The following CAPN14 variants were observed in gnomAD, a reference collection of about 807,000 sequenced individuals.
CAPN14 encodes calpain 14.
In CAPN14, 94 loss-of-function variants were observed where a neutral mutation model predicts 101.3. The observed-to-expected ratio is 0.93, with a 90% confidence interval of 0.79 to 1.10. The LOEUF (loss-of-function observed/expected upper bound fraction) is 1.10, where lower values mean the gene tolerates loss of function less well. Ranked by LOEUF, CAPN14 falls within the 50% of genes least tolerant of loss-of-function variation. The pLI, the probability that CAPN14 is intolerant of heterozygous loss-of-function variation, is 0.00. For synonymous variants in CAPN14, 338 were observed against 317.9 expected, an observed-to-expected ratio of 1.06 and a Z score of -0.67; for missense variants, 837 against 828.4, an observed-to-expected ratio of 1.01 and a Z score of -0.13.
In CAPN14 at chr2:31,201,937, G is replaced by C. The variant is rs1558626737; in HGVS notation, c.476C>G (p.Ala159Gly). Residue 159 changes from alanine (A) to glycine (G), a missense_variant, in exon 5 of 22, where the codon GCT becomes GGT. Physicochemically the swap from Ala to Gly is moderately conservative, Grantham distance 60. Coordinates refer to ENST00000403897, the MANE Select transcript of CAPN14 (RefSeq NM_001145122.2). ...VIDDRLPVNE[A>G]GQLVFVSSTY... The stretch of plus-strand genomic sequence containing the variant: ...GGAGGAGACAAAGACCAGCTGGCCA[G>C]CCTCATTCACAGGCAGACGGTCATC... 6.4e-7 allele frequency: 1 copy of C among 1,551,756 alleles called. No individual in the cohort carries two copies. The highest frequency in any genetic ancestry group is 1.7e-4 in the Middle Eastern group (1 of 5,992).
At chr2:31,225,965 G>T (rs138497022) in intron 2 of CAPN14, among the ~76,000 whole-genome samples, 294 of 152,108 alleles carry the variant, frequency 1.9e-3, no homozygotes, top group African/African-American at 6.5e-3. Context: ...TAGTAAGGGA[G>T]GGCGACTATT....
intron 1 of CAPN14, among the ~76,000 whole-genome samples, chr2:31,214,631 G>T (rs748098147): frequency 6.6e-6 from 1 of 152,134 alleles, no homozygotes; most frequent in African/African-American, 2.4e-5. Context: ...GGAGGTCTAA[G>T]AACTTGGCTG....
Position 31,193,401 on chromosome 2 carries a change from T to G in CAPN14, c.951-107A>C. 10 of 1,119,508 alleles carry G rather than the reference T, an allele frequency of 8.9e-6. No individual in the cohort carries two copies. The South Asian group carries it at 1.5e-4, about 17-fold the overall frequency. The allele number at this position is 1,119,508 out of a possible 1,614,324, so 69.3% of individuals were successfully genotyped here. Reference sequence around the variant, plus strand: ...AGCAGTGGGCATCCCAGCCCTCTCATGGACAAAGACACCAGCTCTTGTGCA... The same window carrying G: ...AGCAGTGGGCATCCCAGCCCTCTCAGGGACAAAGACACCAGCTCTTGTGCA... On this transcript the variant is annotated intron_variant, in intron 9 of 21. Transcript: ENST00000403897.
At chr2:31,195,746 A>G (rs936904906) in intron 8 of CAPN14, among the ~76,000 whole-genome samples, 4 of 152,210 alleles carry the variant, frequency 2.6e-5, no homozygotes, top group African/African-American at 4.8e-5. Context: ...GACCTTCCCT[A>G]AAAGTGCTTA....
At chr2:31,195,062 A>G (rs1572410054) in intron 8 of CAPN14, among the ~76,000 whole-genome samples, 1 of 152,196 alleles carries the variant, frequency 6.6e-6, no homozygotes, top group Admixed American at 6.5e-5. Context: ...GAGGGACTCA[A>G]AAAAAGAACA....
rs1558615829 is a variant in CAPN14, at chr2:31,186,456, CT to C, written c.1616del (p.Gln539ArgfsTer4). On this transcript the variant is annotated frameshift_variant, in exon 16 of 22. Coordinates refer to ENST00000403897, the MANE Select transcript of CAPN14 (RefSeq NM_001145122.2). LOFTEE classifies it high-confidence loss of function. Reference protein sequence around the residue: ...KHPEINAVQLQNLLNQMTWSS... With the variant: ...KHPEINAVQLXNLLNQMTWSS... Reference sequence around the variant, plus strand: ...ACCAGGTCATCTGGTTCAGGAGGTTCTGAAGTTGAACTGCATTAATCTCTGG... The same window carrying C: ...ACCAGGTCATCTGGTTCAGGAGGTTCGAAGTTGAACTGCATTAATCTCTGG... The C allele has an allele frequency of 6.5e-7, 1 of 1,549,884 alleles. No homozygotes were observed. The highest frequency in any genetic ancestry group is 2.5e-5 in the East Asian group (1 of 40,756).
At chr2:31,203,194 G>T in intron 2 of CAPN14, 55 bp from the exon 3 acceptor site, 1 of 1,450,098 alleles carries the variant, frequency 6.9e-7, no homozygotes, top group Non-Finnish European at 9.5e-7. Context: ...AGCTCCTGGA[G>T]CTACAGTGAC....
In CAPN14 at chr2:31,189,366, T is replaced by C. The variant is rs1156503503; in HGVS notation, c.1400A>G (p.Glu467Gly). 1.3e-5 allele frequency: 20 copies of C among 1,551,762 alleles called. No homozygotes were observed. Among genetic ancestry groups the C allele is most frequent in the East Asian group, 9.8e-5 (4 of 40,912 alleles). Reference protein sequence around the residue: ...EKEVSQELCLEPGTYLIVPCI... With the variant: ...EKEVSQELCLGPGTYLIVPCI... ...GGGCACGATGAGGTACGTCCCTGGT[T>C]CCAGACACAGCTCCTGACTCACTTC... The change falls in exon 13 of 22, where the codon GAA becomes GGA. Residue 467 changes from glutamate (E) to glycine (G), a missense_variant. Coordinates refer to ENST00000403897, the MANE Select transcript of CAPN14 (RefSeq NM_001145122.2).
rs1680554326 is a variant in CAPN14 at position 31,180,816 on chromosome 2, G to A, written c.1710+120C>T. 3.8e-6 allele frequency: 3 copies of A among 798,530 alleles called. No individual in the cohort carries two copies. The East Asian group carries it at 8.1e-5, about 22-fold the overall frequency. The allele number at this position is 798,530 out of a possible 1,614,324, so 49.5% of individuals were successfully genotyped here. ...TCTGGATACATAATGAGGCTCAGTG[G>A]CTTGTCCAGGATCCCACAATTAGCA... On this transcript the variant is annotated intron_variant, in intron 17 of 21. Transcript: ENST00000403897.
At chr2:31,224,963 G>A (rs1682975569) in intron 2 of CAPN14, among the ~76,000 whole-genome samples, 2 of 151,972 alleles carry the variant, frequency 1.3e-5, no homozygotes, top group African/African-American at 4.8e-5. Context: ...CAGTTTTAAT[G>A]AGATTCTGAT....
intron 14 of CAPN14, 128 bp from the exon 15 acceptor site, chr2:31,187,942 T>C: frequency 1.3e-6 from 1 of 758,744 alleles, no homozygotes; most frequent in South Asian, 1.8e-5. Flanking sequence ...CGTCTTTAAT[T>C]TTACACCATA....
Position 31,178,554 on chromosome 2 carries a change from A to C in CAPN14, c.1736T>G (p.Ile579Ser). The change falls in exon 18 of 22, where the codon ATC becomes AGC. Residue 579 changes from isoleucine to serine, a missense_variant. Transcript: ENST00000403897. ...LDLNASGTMSIQEFRDLWKQL... is the reference protein window; with the variant it reads ...LDLNASGTMSSQEFRDLWKQL... ...CTTCCACAGGTCCCTGAATTCCTGG[A>C]TGCTCATAGTACCTGATGCATTAAG... 1 of 1,549,046 alleles carries C rather than the reference A, an allele frequency of 6.5e-7. No homozygotes were observed. Among genetic ancestry groups the C allele is most frequent in the Non-Finnish European group, 8.7e-7 (1 of 1,145,960 alleles).
At chr2:31,179,946 T>G (rs1680505354) in intron 17 of CAPN14, among the ~76,000 whole-genome samples, 1 of 152,234 alleles carries the variant, frequency 6.6e-6, no homozygotes, top group Non-Finnish European at 1.5e-5. Flanking sequence ...AATAGTAACC[T>G]TTTTTCATTA....
chr2:31,191,703 A>C (rs1342490225), intron 11 of CAPN14, among the ~76,000 whole-genome samples: 1 of 152,230 alleles, frequency 6.6e-6, no homozygotes, highest in African/African-American at 2.4e-5. Flanking sequence ...ACTACCACAT[A>C]ATCCTCTTTT....
intron 12 of CAPN14, among the ~76,000 whole-genome samples, chr2:31,191,141 T>C (rs1370588268): frequency 1.3e-5 from 2 of 152,202 alleles, no homozygotes; most frequent in Admixed American, 6.5e-5. Context: ...AATTCTAAAA[T>C]GTATTGGTTC....
intron 18 of CAPN14, 129 bp downstream of exon 18, chr2:31,178,382 G>C (rs1351514552): frequency 7.0e-6 from 5 of 709,914 alleles, no homozygotes; most frequent in Non-Finnish European, 1.2e-5. Flanking sequence ...GCTCACCGAA[G>C]GGAGAATAGA....
In CAPN14 at chr2:31,173,594, T is replaced by C. The variant is rs1680153094; in HGVS notation, c.*1087A>G. On this transcript the variant is annotated 3_prime_UTR_variant, in exon 22 of 22. Coordinates refer to ENST00000403897, the MANE Select transcript of CAPN14 (RefSeq NM_001145122.2). ...CAGTTGAACACCTCAAACCCAAAAA[T>C]TCAAAATCCAAAATGCCCCTATTTC... is the stretch of plus-strand genomic sequence containing the variant. The C allele has an allele frequency of 6.6e-6, 1 of 152,328 alleles. No individual in the cohort carries two copies. The highest frequency in any genetic ancestry group is 2.1e-4 in the South Asian group (1 of 4,826). 9.4% of individuals were successfully genotyped at this position (152,328 alleles called of 1,614,324 possible).
chr2:31,226,855 C>T (rs1032255117), intron 1 of CAPN14, among the ~76,000 whole-genome samples: 4 of 152,086 alleles, frequency 2.6e-5, no homozygotes, highest in Non-Finnish European at 4.4e-5. Context: ...TTTTAGAATT[C>T]AAGGGATTTC....
chr2:31,186,532 C>A, intron 15 of CAPN14, 47 bp from the exon 16 acceptor site: 1 of 1,410,864 alleles, frequency 7.1e-7, no homozygotes, highest in Middle Eastern at 1.8e-4. Context: ...TTACTGAAGG[C>A]TCATTAGATG....
Sources: gnomAD v4.1 joint callset for allele counts (sites outside exome capture counted in the v4.1 genomes callset) on GRCh38, gnomAD v4.1.1 for gene constraint, MANE v1.5 for transcripts, NCBI Gene and HGNC (gene_info 2026-07-23, HGNC 2026-07-21) for gene names.